TUFT1: variants seen among roughly 807,000 people sequenced by gnomAD.
The protein encoded by TUFT1 is tuftelin.
In TUFT1, 43 loss-of-function variants were observed where a neutral mutation model predicts 57.8. That is an observed-to-expected ratio of 0.74 (90% CI 0.58 to 0.96). TUFT1 has a LOEUF of 0.96. TUFT1 is among the 40% of genes least tolerant of loss of function. The pLI, the probability that TUFT1 is intolerant of heterozygous loss-of-function variation, is 0.00. For synonymous variants in TUFT1, 166 were observed against 176.7 expected (o/e 0.94, Z 0.48); for missense variants, 459 against 489.0 (o/e 0.94, Z 0.58).
chr1:151,565,803 C>T (rs1156387705), intron 5 of TUFT1: 4 of 178,142 alleles, frequency 2.2e-5, no homozygotes, highest in Non-Finnish European at 4.8e-5. Context: ...GAAGAATGGG[C>T]TACACATACT....
rs3828054 is a variant in TUFT1, at chr1:151,540,419, A to G, written c.53A>G (p.Gln18Arg). Reference protein sequence around the residue: ...CTLVDVHPEDQAAGSVDILRL... With the variant: ...CTLVDVHPEDRAAGSVDILRL... ...CTGGTGGACGTGCACCCAGAGGACC[A>G]GGCGGCGGTAAGAAAAAGCGCTCTC... Residue 18 changes from glutamine (Q) to arginine (R), a missense_variant, in exon 1 of 13, where the codon CAG becomes CGG. Physicochemically the swap from Gln to Arg is conservative, Grantham distance 43 (BLOSUM62 1). Coordinates refer to ENST00000368849, the MANE Select transcript of TUFT1 (RefSeq NM_020127.3). The G allele has an allele frequency of 0.12, 192,393 of 1,613,936 alleles. 12,030 individuals are homozygous for G. The highest frequency in any genetic ancestry group is 0.15 in the African/African-American group (10,994 of 75,032).
At chr1:151,550,987 G>C (rs1276120042) in intron 1 of TUFT1, among the ~76,000 whole-genome samples, 5 of 152,044 alleles carry the variant, frequency 3.3e-5, no homozygotes, top group Admixed American at 3.3e-4. Context: ...GGTGGTTTCT[G>C]GTATTTTGCC....
chr1:151,563,144 C>T (rs1251403578), intron 3 of TUFT1, among the ~76,000 whole-genome samples: 1 of 152,140 alleles, frequency 6.6e-6, no homozygotes, highest in African/African-American at 2.4e-5. Context: ...CTCAGCCTCC[C>T]AAAATGCTGG....
intron 1 of TUFT1, among the ~76,000 whole-genome samples, chr1:151,555,560 C>T (rs146784077): frequency 0.02 from 3,040 of 150,370 alleles, 96 homozygotes; most frequent in African/African-American, 0.071. Flanking sequence ...AGGCAGATCA[C>T]GAGGTCAGGA....
At chr1:151,556,149 G>A (rs1041965168) in intron 1 of TUFT1, among the ~76,000 whole-genome samples, 5 of 152,148 alleles carry the variant, frequency 3.3e-5, no homozygotes, top group African/African-American at 1.2e-4. Flanking sequence ...AAATTCTCTG[G>A]AGAGTGTTGT....
In TUFT1 at chr1:151,562,682, T is replaced by C; in HGVS notation, c.233T>C (p.Ile78Thr). ...TCCCATGATGGACATGAGGAGATCA[T>C]TAAGGTAAGCTTAGTTCACCTCCAA... ...VESHDGHEEI[I>T]KVYLKGRSGD... Residue 78 changes from isoleucine to threonine, a missense_variant, in exon 3 of 13, where the codon ATT (isoleucine) becomes ACT (threonine). Transcript: ENST00000368849. 1.9e-6 allele frequency: 3 copies of C among 1,613,230 alleles called. No individual in the cohort carries two copies. The highest frequency in any genetic ancestry group is 2.5e-6 in the Non-Finnish European group (3 of 1,179,738).
intron 1 of TUFT1, among the ~76,000 whole-genome samples, chr1:151,542,979 C>A (rs578256032): frequency 6.6e-6 from 1 of 152,212 alleles, no homozygotes; most frequent in Non-Finnish European, 1.5e-5. Context: ...ACAGATGTTT[C>A]TTCCGGAGTC....
chr1:151,581,599 A>G, intron 12 of TUFT1, 45 bp from the exon 13 acceptor site: 1 of 1,601,104 alleles, frequency 6.2e-7, no homozygotes, highest in Non-Finnish European at 8.6e-7. Flanking sequence ...GGGCCACAAC[A>G]CAGCTGTTCC....
chr1:151,581,162 C>T (rs1375520789), intron 12 of TUFT1, 120 bp downstream of exon 12: 9 of 916,346 alleles, frequency 9.8e-6, no homozygotes, highest in Admixed American at 5.0e-5. Flanking sequence ...ACTTTCCTCC[C>T]TCAGTCTGAC....
At chr1:151,558,611 C>G (rs1665789165) in intron 1 of TUFT1, among the ~76,000 whole-genome samples, 1 of 152,066 alleles carries the variant, frequency 6.6e-6, no homozygotes, top group African/African-American at 2.4e-5. Flanking sequence ...GGAATCATCT[C>G]TCAGTGCCCC....
chr1:151,557,833 G>T (rs1665759320), intron 1 of TUFT1: 6 of 749,776 alleles, frequency 8.0e-6, no homozygotes, highest in Non-Finnish European at 1.5e-5. Context: ...CAGACGGAGT[G>T]CTGTGCCGCC....
chr1:151,551,501 G>C (rs1665508236), intron 1 of TUFT1, among the ~76,000 whole-genome samples: 1 of 152,180 alleles, frequency 6.6e-6, no homozygotes, highest in African/African-American at 2.4e-5. Context: ...CTCTGACTGA[G>C]GGAGGAGTGC....
intron 4 of TUFT1, 51 bp downstream of exon 4, chr1:151,564,041 C>G (rs897257515): frequency 6.9e-7 from 1 of 1,455,518 alleles, no homozygotes; most frequent in Non-Finnish European, 9.4e-7. Flanking sequence ...CTCTAAATCT[C>G]ACATTTTTTG....
At chr1:151,546,215 T>C (rs548189154) in intron 1 of TUFT1, among the ~76,000 whole-genome samples, 1 of 152,214 alleles carries the variant, frequency 6.6e-6, no homozygotes, top group South Asian at 2.1e-4. Flanking sequence ...TGAAGACTTG[T>C]CTTTACTGTG....
chr1:151,564,650 A>G, intron 5 of TUFT1, 36 bp downstream of exon 5: 2 of 1,539,994 alleles, frequency 1.3e-6, no homozygotes, highest in Non-Finnish European at 1.8e-6. Flanking sequence ...GTCCCCACCG[A>G]GGAGGTGGGG....
chr1:151,560,180 G>A (rs1665839773), intron 1 of TUFT1, among the ~76,000 whole-genome samples: 1 of 151,536 alleles, frequency 6.6e-6, no homozygotes, highest in Non-Finnish European at 1.5e-5. Context: ...CGCTTTGGGA[G>A]GCTGAGGCGG....
At chr1:151,555,646 G>C (rs1485643298) in intron 1 of TUFT1, among the ~76,000 whole-genome samples, 1 of 151,366 alleles carries the variant, frequency 6.6e-6, no homozygotes, top group Admixed American at 6.6e-5. Context: ...ACGTTGTGGT[G>C]GGTGCCTATA....
In TUFT1 at chr1:151,569,766, T is replaced by C; in HGVS notation, c.590T>C (p.Phe197Ser). The C allele has an allele frequency of 6.2e-7, 1 of 1,613,716 alleles. No homozygotes were observed. Among genetic ancestry groups the C allele is most frequent in the Non-Finnish European group, 8.5e-7 (1 of 1,179,722 alleles). ...KRQHQSDCVA[F>S]EVTLSRYQRE... is the part of the protein sequence containing the mutation. The stretch of plus-strand genomic sequence containing the variant: ...CAACACCAGTCAGACTGTGTGGCTT[T>C]TGAGGTGAGATTTGGGATTTGGGGA... Residue 197 changes from phenylalanine (F) to serine (S), a missense_variant, in exon 7 of 13, where the codon TTT (phenylalanine) becomes TCT (serine). Physicochemically the swap from Phe to Ser is radical, Grantham distance 155. Coordinates refer to ENST00000368849, the MANE Select transcript of TUFT1 (RefSeq NM_020127.3).
chr1:151,556,865 G>A (rs1225718866), intron 1 of TUFT1, among the ~76,000 whole-genome samples: 2 of 152,068 alleles, frequency 1.3e-5, no homozygotes, highest in East Asian at 1.9e-4. Flanking sequence ...GTTCAGTTAC[G>A]TGGGAGGCTG....
Sources: allele counts gnomAD v4.1 joint callset (sites outside exome capture counted in the v4.1 genomes callset), GRCh38; gene constraint gnomAD v4.1.1; transcripts MANE v1.5; gene names NCBI Gene and HGNC (gene_info 2026-07-23, HGNC 2026-07-21).